CALN1: variants seen among roughly 807,000 people sequenced by gnomAD.
The protein encoded by CALN1 is calcium-binding protein 8.
CALN1 carries 17 observed loss-of-function variants against 30.6 expected under a neutral mutation model. That is an observed-to-expected ratio of 0.56 (90% confidence interval 0.38 to 0.83). The LOEUF (loss-of-function observed/expected upper bound fraction) is 0.83. CALN1 is among the 40% of genes least tolerant of loss of function. The probability of loss-of-function intolerance (pLI) is 0.00; values close to 1 mark genes in which losing one functional copy is unlikely to be tolerated. For synonymous variants in CALN1, 156 were observed against 131.4 expected (o/e 1.19, Z -1.28); for missense variants, 291 against 354.9 (o/e 0.82, Z 1.45).
At chr7:71,859,956 C>T (rs1791175037) in intron 5 of CALN1, among the ~76,000 whole-genome samples, 1 of 152,116 alleles carries the variant, frequency 6.6e-6, no homozygotes, top group Admixed American at 6.5e-5. Flanking sequence ...CAGGAATGTC[C>T]TAATATCCCG....
At chr7:72,093,427 A>C (rs1806005285) in intron 4 of CALN1, among the ~76,000 whole-genome samples, 1 of 152,204 alleles carries the variant, frequency 6.6e-6, no homozygotes, top group African/African-American at 2.4e-5. Context: ...TGGGATTCTG[A>C]GATTGGTTTG....
In CALN1 at chr7:71,939,973, G is replaced by A. The variant is rs1026441638; in HGVS notation, c.501+83684C>T. 7.9e-5 allele frequency among the ~76,000 whole-genome samples: 12 copies of A among 152,236 alleles called. No individual in the cohort carries two copies. In the East Asian group the frequency reaches 9.7e-4, roughly 12 times the overall value. The stretch of plus-strand genomic sequence containing the variant: ...CCTTACAAACAACATAAGCAACTGC[G>A]GACCTTAAGCCAGTTTCAGCCAGCT... On this transcript the variant is annotated intron_variant, in intron 5 of 6. Transcript: ENST00000395275.
At chr7:71,857,067 T>A (rs1004089995) in intron 5 of CALN1, among the ~76,000 whole-genome samples, 4 of 149,750 alleles carry the variant, frequency 2.7e-5, no homozygotes, top group African/African-American at 9.8e-5. Context: ...TGTTGCAAAC[T>A]AAATTTGTCC....
At chr7:72,361,803 T>A (rs1230985946) in intron 2 of CALN1, among the ~76,000 whole-genome samples, 1 of 152,178 alleles carries the variant, frequency 6.6e-6, no homozygotes, top group Non-Finnish European at 1.5e-5. Context: ...TGATTTCAAA[T>A]AGAAACTGTT....
chr7:72,000,368 T>C (rs933176383), intron 5 of CALN1, among the ~76,000 whole-genome samples: 1 of 151,648 alleles, frequency 6.6e-6, no homozygotes, highest in African/African-American at 2.4e-5. Flanking sequence ...CCTGCAACCA[T>C]TAAGAAGAGA....
intron 6 of CALN1, among the ~76,000 whole-genome samples, chr7:71,789,732 G>T (rs535941823): frequency 1.3e-5 from 2 of 151,982 alleles, no homozygotes; most frequent in African/African-American, 4.8e-5. Context: ...TTTTTATAAC[G>T]CCCATGAGAA....
chr7:72,450,583 A>T (rs574825333), upstream of CALN1, among the ~76,000 whole-genome samples: 1 of 152,274 alleles, frequency 6.6e-6, no homozygotes, highest in South Asian at 2.1e-4. Context: ...TTTTTCATTA[A>T]CAAAATCAAG....
chr7:72,214,999 G>C (rs1792673390), intron 3 of CALN1, among the ~76,000 whole-genome samples: 1 of 151,744 alleles, frequency 6.6e-6, no homozygotes, highest in African/African-American at 2.4e-5. Flanking sequence ...TGAGTTGTAT[G>C]ATTATTTCAT....
At chr7:72,098,760 G>GCACACACACACACACACACA (rs1491327481) in intron 4 of CALN1, among the ~76,000 whole-genome samples, 13 of 101,364 alleles carry the variant, frequency 1.3e-4, no homozygotes, top group South Asian at 2.7e-4. Flanking sequence ...AGCCCATTTG[G>GCACACACACACACACACACA]CGCGCACACA....
chr7:72,168,909 G>T (rs548233581), intron 3 of CALN1, among the ~76,000 whole-genome samples: 1 of 150,294 alleles, frequency 6.7e-6, no homozygotes, highest in South Asian at 2.1e-4. Flanking sequence ...AGGTTCAAGC[G>T]ATTCTCCTGC....
rs1414224213 is a variant in CALN1, at chr7:71,787,634, T to C, written c.*141A>G. On this transcript the variant is annotated 3_prime_UTR_variant, in exon 7 of 7. Coordinates refer to ENST00000395275, the MANE Select transcript of CALN1 (RefSeq NM_031468.4). ...AGTGCAACCCCAGTTGCACTCAACC[T>C]TGGGTTCTTTACTGAACGGTTCCAT... 8.0e-5 allele frequency: 100 copies of C among 1,243,166 alleles called. No homozygotes were observed. Among genetic ancestry groups the C allele is most frequent in the Non-Finnish European group, 1.1e-4 (97 of 916,958 alleles). 77.0% of individuals were successfully genotyped at this position (1,243,166 alleles called of 1,614,324 possible).
chr7:72,307,212 G>C (rs567112045), intron 2 of CALN1, among the ~76,000 whole-genome samples: 1 of 152,124 alleles, frequency 6.6e-6, no homozygotes, highest in Non-Finnish European at 1.5e-5. Context: ...CTTCATTTTG[G>C]CCAATTAACA....
Position 71,981,674 on chromosome 7 carries a change from C to CAA in CALN1, c.501+41981_501+41982dup, listed in dbSNP as rs35596606. On this transcript the variant is annotated intron_variant, in intron 5 of 6. Coordinates refer to ENST00000395275, the MANE Select transcript of CALN1 (RefSeq NM_031468.4). ...CCTGTCTGAAATGAAAAAACAAAAC[C>CAA]AAAAAAAAAAACAAGAGGACAGGGT... Among the ~76,000 whole-genome samples the CAA allele has an allele frequency of 3.0e-3, 433 of 144,062 alleles. 1 individual carries two copies. The highest frequency in any genetic ancestry group is 0.01 in the African/African-American group (419 of 39,932). 94.5% of individuals were successfully genotyped at this position (144,062 alleles called of 152,430 possible).
intron 2 of CALN1, among the ~76,000 whole-genome samples, chr7:72,305,408 A>T (rs1359997715): frequency 6.6e-6 from 1 of 152,190 alleles, no homozygotes; most frequent in South Asian, 2.1e-4. Flanking sequence ...TTAATTAATA[A>T]GTTGAATATG....
chr7:72,410,543 T>A (rs1006725149), intron 1 of CALN1, among the ~76,000 whole-genome samples: 2 of 152,192 alleles, frequency 1.3e-5, no homozygotes, highest in African/African-American at 2.4e-5. Context: ...AGTCCACATC[T>A]GAAAACTGAA....
chr7:72,145,833 A>T (rs1019609564), intron 3 of CALN1, among the ~76,000 whole-genome samples: 2 of 152,240 alleles, frequency 1.3e-5, no homozygotes, highest in African/African-American at 4.8e-5. Flanking sequence ...AAATCAATAA[A>T]TGTAATCCAG....
chr7:71,913,170 A>C (rs1484273119), intron 5 of CALN1, among the ~76,000 whole-genome samples: 1 of 152,224 alleles, frequency 6.6e-6, no homozygotes, highest in Non-Finnish European at 1.5e-5. Context: ...CTTTCACCAG[A>C]AAGAGGAAAA....
chr7:72,488,199 G>C, the CALN1 span, among the ~76,000 whole-genome samples: 92,171 of 150,790 alleles, frequency 0.61, 29,445 homozygotes, highest in African/African-American at 0.81. Flanking sequence ...GACCCTATCT[G>C]TACAAAAAAA....
the CALN1 span, among the ~76,000 whole-genome samples, chr7:72,456,617 C>T: frequency 6.6e-6 from 1 of 151,908 alleles, no homozygotes; most frequent in Non-Finnish European, 1.5e-5. Flanking sequence ...TTTGGAAGGC[C>T]GAGGCTGGCA....
Sources: gnomAD v4.1 joint callset for allele counts (sites outside exome capture counted in the v4.1 genomes callset) on GRCh38, gnomAD v4.1.1 for gene constraint, MANE v1.5 for transcripts, NCBI Gene and HGNC (gene_info 2026-07-23, HGNC 2026-07-21) for gene names.